NIBAN1: variants seen among roughly 807,000 people sequenced by gnomAD.
The protein encoded by NIBAN1 is niban apoptosis regulator 1, also known as protein Niban 1.
NIBAN1 carries 81 observed loss-of-function variants against 75.1 expected under a neutral mutation model. The observed-to-expected ratio is 1.08, with a 90% confidence interval of 0.90 to 1.30. NIBAN1 has a LOEUF of 1.30. Among genes scored for constraint, NIBAN1 ranks in the 50% most tolerant of loss-of-function variants. NIBAN1 has a pLI of 0.00. For synonymous variants in NIBAN1, 436 were observed against 424.8 expected (o/e 1.03, Z -0.32); for missense variants, 1,133 against 1,128.1 (o/e 1.00, Z -0.06).
intron 9 of NIBAN1, among the ~76,000 whole-genome samples, chr1:184,817,849 T>C (rs1438646228): frequency 1.3e-5 from 2 of 152,260 alleles, no homozygotes; most frequent in Admixed American, 1.3e-4. Flanking sequence ...CCTATAACAA[T>C]AGTTGAGTTT....
intron 1 of NIBAN1, among the ~76,000 whole-genome samples, chr1:184,924,434 A>T (rs1487590314): frequency 1.3e-5 from 2 of 152,150 alleles, no homozygotes; most frequent in Non-Finnish European, 2.9e-5. Flanking sequence ...TGTTTTGTTG[A>T]ATTCAATTTA....
At chr1:184,966,578 AT>A (rs1412565010) in intron 1 of NIBAN1, among the ~76,000 whole-genome samples, 2 of 152,204 alleles carry the variant, frequency 1.3e-5, no homozygotes, top group African/African-American at 2.4e-5. Flanking sequence ...AATAGTGGTC[AT>A]TTTTGGAGAA....
intron 1 of NIBAN1, among the ~76,000 whole-genome samples, chr1:184,938,198 G>A (rs1658008479): frequency 6.6e-6 from 1 of 152,172 alleles, no homozygotes; most frequent in East Asian, 1.9e-4. Context: ...TGAGAATTAG[G>A]AGATCAGTTA....
chr1:184,830,577 T>C (rs1021955263), intron 6 of NIBAN1, among the ~76,000 whole-genome samples: 2 of 152,136 alleles, frequency 1.3e-5, no homozygotes, highest in African/African-American at 4.8e-5. Context: ...AAGAGCTCCC[T>C]CATGAGTTTT....
chr1:184,802,717 C>A (rs1654078676), intron 12 of NIBAN1, among the ~76,000 whole-genome samples: 1 of 152,134 alleles, frequency 6.6e-6, no homozygotes, highest in Non-Finnish European at 1.5e-5. Flanking sequence ...TTTTAAATTC[C>A]AAAAACCTCT....
rs149205103 is a variant in NIBAN1 at position 184,953,620 on chromosome 1, G to T, written c.55+20682C>A. On this transcript the variant is annotated intron_variant, in intron 1 of 13. Transcript: ENST00000367511. ...CAAATATTTTCATTAAAAACATGTG[G>T]AGACATGAAGGTTTGTGCTCCCTTT... 3.5e-3 allele frequency among the ~76,000 whole-genome samples: 538 copies of T among 152,316 alleles called. 1 individual carries two copies. Among genetic ancestry groups the T allele is most frequent in the Non-Finnish European group, 4.8e-3 (324 of 68,040 alleles).
At chr1:184,846,102 C>A (rs1182549959) in intron 5 of NIBAN1, among the ~76,000 whole-genome samples, 27 of 72,432 alleles carry the variant, frequency 3.7e-4, no homozygotes, top group South Asian at 8.3e-4. Context: ...CCAGGAAGCT[C>A]GAACTGGGTG....
rs1164040142 is a variant in NIBAN1, at chr1:184,798,054, TGCAGCACCAGGTAA to T, written c.1666+11_1666+24del. On this transcript the variant is annotated intron_variant, in intron 13 of 13. Coordinates refer to ENST00000367511, the MANE Select transcript of NIBAN1 (RefSeq NM_052966.4). The stretch of plus-strand genomic sequence containing the variant: ...GATGCTCCCCTCTATGGAGTGTCCC[TGCAGCACCAGGTAA>T]CCTTTCTTACCTTTCAGAGTTTCAT... 1 of 1,528,112 alleles carries T rather than the reference TGCAGCACCAGGTAA, an allele frequency of 6.5e-7. No homozygotes were observed. Among genetic ancestry groups the T allele is most frequent in the Non-Finnish European group, 9.0e-7 (1 of 1,105,358 alleles). The allele number at this position is 1,528,112 out of a possible 1,614,324, so 94.7% of individuals were successfully genotyped here. A position where few individuals can be genotyped will look rare whatever the true frequency, so the allele number is the denominator to read the frequency against.
intron 1 of NIBAN1, among the ~76,000 whole-genome samples, chr1:184,916,738 A>G (rs1221628698): frequency 6.6e-6 from 1 of 152,166 alleles, no homozygotes; most frequent in Non-Finnish European, 1.5e-5. Flanking sequence ...ATGACTTATG[A>G]ATTGATAAAC....
At chr1:184,803,501 G>GT in intron 12 of NIBAN1, 84 bp downstream of exon 12, 1 of 1,044,518 alleles carries the variant, frequency 9.6e-7, no homozygotes, top group Non-Finnish European at 1.5e-6. Context: ...CTAGTCTGCT[G>GT]TTTGCCAGTA....
intron 5 of NIBAN1, among the ~76,000 whole-genome samples, chr1:184,861,958 C>T (rs903178365): frequency 6.6e-6 from 1 of 152,122 alleles, no homozygotes; most frequent in Non-Finnish European, 1.5e-5. Context: ...TAAGGCATGC[C>T]CCAATGTCCT....
chr1:184,803,014 A>G (rs959926419), intron 12 of NIBAN1, among the ~76,000 whole-genome samples: 8 of 152,188 alleles, frequency 5.3e-5, no homozygotes, highest in Non-Finnish European at 7.3e-5. Flanking sequence ...GCTCTGCTCT[A>G]CAGATGAAGT....
chr1:184,941,924 T>C (rs1658099257), intron 1 of NIBAN1, among the ~76,000 whole-genome samples: 2 of 152,198 alleles, frequency 1.3e-5, no homozygotes, highest in Non-Finnish European at 2.9e-5. Flanking sequence ...AGACCATATT[T>C]GCCCTAATTT....
chr1:184,808,594 C>CA, intron 9 of NIBAN1, among the ~76,000 whole-genome samples: 1 of 152,282 alleles, frequency 6.6e-6, no homozygotes, highest in East Asian at 1.9e-4. Context: ...GCTGGGCCCC[C>CA]AGGCTTCCAA....
Position 184,894,161 on chromosome 1 carries a change from G to T in NIBAN1, c.232C>A (p.Gln78Lys). The T allele has an allele frequency of 6.2e-7, 1 of 1,612,528 alleles. No homozygotes were observed. The highest frequency in any genetic ancestry group is 8.5e-7 in the Non-Finnish European group (1 of 1,179,342). Reference sequence around the variant, plus strand: ...CACTTCTTTATGTCTTCAGAAAATTGTGATAGCTCTGCTTCATACAAAATA... The same window carrying T: ...CACTTCTTTATGTCTTCAGAAAATTTTGATAGCTCTGCTTCATACAAAATA... ...GTILYEAELS[Q>K]FSEDIKKWKE... The change falls in exon 3 of 14, where the codon CAA becomes AAA. Residue 78 changes from glutamine to lysine, a missense_variant. Physicochemically the swap from Gln to Lys is moderately conservative, Grantham distance 53. Transcript: ENST00000367511.
chr1:184,889,985 A>G (rs988990098), intron 4 of NIBAN1, 123 bp downstream of exon 4: 1 of 728,630 alleles, frequency 1.4e-6, no homozygotes, highest in Non-Finnish European at 2.3e-6. Context: ...ACAAACAAAA[A>G]TGTCTCCAGA....
chr1:184,824,625 T>C (rs984868172), intron 6 of NIBAN1, among the ~76,000 whole-genome samples: 5 of 152,242 alleles, frequency 3.3e-5, no homozygotes, highest in Admixed American at 3.3e-4. Context: ...ATGCTGGAGA[T>C]GCCAGGGGAA....
intron 5 of NIBAN1, among the ~76,000 whole-genome samples, chr1:184,878,979 TACTC>T (rs1341715543): frequency 6.6e-6 from 1 of 152,124 alleles, no homozygotes; most frequent in Non-Finnish European, 1.5e-5. Flanking sequence ...AAAAACCACA[TACTC>T]ACAAGGAGAC....
At chr1:184,823,479 G>A (rs1654759298) in intron 7 of NIBAN1, 150 bp from the exon 8 acceptor site, 1 of 1,310,466 alleles carries the variant, frequency 7.6e-7, no homozygotes. Flanking sequence ...GAGTCTGTTT[G>A]GAACAGTCTT....
Sources: allele counts gnomAD v4.1 joint callset (sites outside exome capture counted in the v4.1 genomes callset), GRCh38; gene constraint gnomAD v4.1.1; transcripts MANE v1.5; gene names NCBI Gene and HGNC (gene_info 2026-07-23, HGNC 2026-07-21).